The following IFT81 variants were observed in gnomAD, a reference collection of about 807,000 sequenced individuals.
The protein encoded by IFT81 is intraflagellar transport 81.
In IFT81, 72 loss-of-function variants were observed where a neutral mutation model predicts 102.6. That is an observed-to-expected ratio of 0.70 (90% CI 0.58 to 0.85). The LOEUF (loss-of-function observed/expected upper bound fraction) is 0.85. Among genes scored for constraint, IFT81 ranks in the 40% least tolerant of loss-of-function variants. The probability of loss-of-function intolerance (pLI) is 0.00; values close to 1 mark genes in which losing one functional copy is unlikely to be tolerated. For missense variants in IFT81, 723 were observed against 787.3 expected (o/e 0.92, Z 0.98); for synonymous variants, 237 against 242.7 (o/e 0.98, Z 0.22).
rs2137375525 is a variant in IFT81 at position 110,147,050 on chromosome 12, T to C, written c.1041+2T>C. 1 of 1,593,402 alleles carries C rather than the reference T, an allele frequency of 6.3e-7. No homozygotes were observed. The highest frequency in any genetic ancestry group is 1.8e-5 in the Admixed American group (1 of 55,090). ...AAACTCTCACTGTATAGGCAACAGG[T>C]AAGAACATTCTTTTGGCTCACATAT... is the stretch of plus-strand genomic sequence containing the variant. On this transcript the variant is annotated splice_donor_variant, in intron 10 of 18. Transcript: ENST00000242591. LOFTEE classifies it high-confidence loss of function.
chr12:110,189,548 C>T (rs1172789079), intron 12 of IFT81, among the ~76,000 whole-genome samples: 1 of 151,982 alleles, frequency 6.6e-6, no homozygotes, highest in Non-Finnish European at 1.5e-5. Context: ...AAGGTTTCGC[C>T]ATGTTGGCCA....
chr12:110,173,754 T>A (rs1896898220), intron 11 of IFT81, among the ~76,000 whole-genome samples: 1 of 152,168 alleles, frequency 6.6e-6, no homozygotes, highest in Non-Finnish European at 1.5e-5. Flanking sequence ...GTTAAACAGA[T>A]GCTTGAAGGC....
Position 110,134,802 on chromosome 12 carries a change from G to A in IFT81, c.520-146G>A, listed in dbSNP as rs1894382508. 3 of 612,330 alleles carry A rather than the reference G, an allele frequency of 4.9e-6. No homozygotes were observed. The South Asian group carries it at 6.4e-5, about 13-fold the overall frequency. 37.9% of individuals were successfully genotyped at this position (612,330 alleles called of 1,614,324 possible). A position where few individuals can be genotyped will look rare whatever the true frequency, so the allele number is the denominator to read the frequency against. On this transcript the variant is annotated intron_variant, in intron 5 of 18. Coordinates refer to ENST00000242591, the MANE Select transcript of IFT81 (RefSeq NM_014055.4). ...GAAGCCCTGGGGGAAAAATAGAAAT[G>A]ACCTTCATCCAAAAGAGGATCTTGG...
At chr12:110,202,548 G>A (rs1360524742) in intron 14 of IFT81, among the ~76,000 whole-genome samples, 5 of 151,622 alleles carry the variant, frequency 3.3e-5, no homozygotes, top group South Asian at 2.1e-4. Context: ...CACCTCCCAG[G>A]TTCAAGTGAT....
chr12:110,147,200 G>A, intron 10 of IFT81, 152 bp downstream of exon 10: 1 of 518,610 alleles, frequency 1.9e-6, no homozygotes, highest in Non-Finnish European at 3.1e-6. Context: ...AGAATTAGTG[G>A]AAAAGCCACA....
At chr12:110,209,937 A>G (rs1235625740) in intron 18 of IFT81, among the ~76,000 whole-genome samples, 2 of 152,154 alleles carry the variant, frequency 1.3e-5, no homozygotes, top group Non-Finnish European at 2.9e-5. Context: ...TGAGATGCTC[A>G]GCTCCCTCCT....
intron 14 of IFT81, among the ~76,000 whole-genome samples, chr12:110,201,766 T>G (rs1252756745): frequency 6.6e-6 from 1 of 152,102 alleles, no homozygotes; most frequent in African/African-American, 2.4e-5. Flanking sequence ...TTTTTAAACT[T>G]TTTTGTTAAA....
At chr12:110,174,448 TC>T (rs1896953138) in intron 11 of IFT81, among the ~76,000 whole-genome samples, 1 of 133,572 alleles carries the variant, frequency 7.5e-6, no homozygotes. Context: ...AGAGCAAGAC[TC>T]CGTCTCAGAA....
In IFT81 at chr12:110,163,005, A is replaced by G. The variant is rs1219105190; in HGVS notation, c.1128A>G (p.Ala376=). The change falls in exon 11 of 19, where the codon GCA becomes GCG. Residue 376 remains alanine, a synonymous_variant. Coordinates refer to ENST00000242591, the MANE Select transcript of IFT81 (RefSeq NM_014055.4). The part of the protein sequence containing the change: ...KEKLASLERE[A]SVKRNQTREF... ...AGTTAGCCAGCCTAGAGAGAGAAGC[A>G]TCAGTAAAGAGAAATCAGACCCGTG... is the stretch of plus-strand genomic sequence containing the variant. The G allele has an allele frequency of 3.1e-6, 5 of 1,613,924 alleles. No individual in the cohort carries two copies. The highest frequency in any genetic ancestry group is 1.1e-5 in the South Asian group (1 of 91,086).
At chr12:110,138,050 G>A (rs914687477) in intron 8 of IFT81, among the ~76,000 whole-genome samples, 2 of 152,162 alleles carry the variant, frequency 1.3e-5, no homozygotes, top group African/African-American at 2.4e-5. Context: ...GAAAGACCAC[G>A]CAAACTGAAA....
intron 10 of IFT81, among the ~76,000 whole-genome samples, chr12:110,150,199 T>C (rs1895449963): frequency 6.6e-6 from 1 of 151,996 alleles, no homozygotes; most frequent in Admixed American, 6.6e-5. Context: ...CTCCGCCTCC[T>C]GGGTTCAAGC....
At chr12:110,182,707 G>A (rs1322568237) in intron 12 of IFT81, among the ~76,000 whole-genome samples, 2 of 152,182 alleles carry the variant, frequency 1.3e-5, no homozygotes, top group Non-Finnish European at 2.9e-5. Flanking sequence ...CAAGTGACCA[G>A]ATGGTAGTCA....
intron 14 of IFT81, 130 bp from the exon 15 acceptor site, chr12:110,203,734 T>C: frequency 1.5e-6 from 1 of 676,680 alleles, no homozygotes; most frequent in Non-Finnish European, 2.7e-6. Context: ...GGTTGTTGCA[T>C]AAATAACTCT....
chr12:110,134,874 C>A, intron 5 of IFT81, 74 bp from the exon 6 acceptor site: 3 of 1,104,640 alleles, frequency 2.7e-6, no homozygotes, highest in South Asian at 2.9e-5. Context: ...GATGCATAAT[C>A]AAAATAAAAC....
Position 110,136,833 on chromosome 12 carries a change from C to A in IFT81, c.754C>A (p.Gln252Lys). 6.2e-7 allele frequency: 1 copy of A among 1,611,366 alleles called. No individual in the cohort carries two copies. Among genetic ancestry groups the A allele is most frequent in the African/African-American group, 1.3e-5 (1 of 74,974 alleles). ...RVQNQLKSMR[Q>K]AAADAKPESL... is the part of the protein sequence containing the mutation. ...ACAAAACCAGCTGAAAAGCATGCGC[C>A]AAGCTGCAGCAGATGCAAAGCCTGA... Residue 252 changes from glutamine to lysine, a missense_variant, in exon 8 of 19, where the codon CAA becomes AAA. Gln to Lys is a moderately conservative substitution (Grantham distance 53). Transcript: ENST00000242591.
chr12:110,182,222 C>T (rs927440492), intron 12 of IFT81, among the ~76,000 whole-genome samples: 5 of 152,174 alleles, frequency 3.3e-5, no homozygotes, highest in Non-Finnish European at 7.3e-5. Flanking sequence ...GTAGGATCTA[C>T]TTGTTTGTCA....
chr12:110,207,829 G>A (rs1868864957), intron 17 of IFT81, among the ~76,000 whole-genome samples: 1 of 151,888 alleles, frequency 6.6e-6, no homozygotes, highest in Non-Finnish European at 1.5e-5. Flanking sequence ...CCAGCCTTCA[G>A]TCTTTATCCT....
intron 11 of IFT81, among the ~76,000 whole-genome samples, chr12:110,179,342 A>G (rs2137509687): frequency 6.6e-6 from 1 of 152,138 alleles, no homozygotes; most frequent in East Asian, 1.9e-4. Context: ...TTCTTTTTTG[A>G]CCTTTTTATT....
At chr12:110,147,983 CT>C (rs1327389411) in intron 10 of IFT81, among the ~76,000 whole-genome samples, 1 of 152,062 alleles carries the variant, frequency 6.6e-6, no homozygotes, top group African/African-American at 2.4e-5. Flanking sequence ...CCTTGTCTCT[CT>C]TTTTTTCAAT....
Sources: allele counts gnomAD v4.1 joint callset (sites outside exome capture counted in the v4.1 genomes callset), GRCh38; gene constraint gnomAD v4.1.1; transcripts MANE v1.5; gene names NCBI Gene and HGNC (gene_info 2026-07-23, HGNC 2026-07-21).